The following RALY variants were observed in gnomAD, a reference collection of about 807,000 sequenced individuals.
RALY encodes the protein RALY heterogeneous nuclear ribonucleoprotein.
A neutral mutation model predicts 30.7 loss-of-function variants in RALY; 15 were observed. The observed-to-expected ratio is 0.49, with a 90% CI of 0.33 to 0.75. The LOEUF (loss-of-function observed/expected upper bound fraction) is 0.75. Ranked by LOEUF, RALY falls within the 30% of genes least tolerant of loss-of-function variation. The pLI is 0.02. For synonymous variants in RALY, 177 were observed against 170.8 expected, an observed-to-expected ratio of 1.04 and a Z score of -0.28; for missense variants, 339 against 414.3, an observed-to-expected ratio of 0.82 and a Z score of 1.58.
intron 1 of RALY, among the ~76,000 whole-genome samples, chr20:33,997,202 A>G (rs1601389464): frequency 1.3e-5 from 2 of 151,864 alleles, no homozygotes; most frequent in Non-Finnish European, 2.9e-5. Context: ...TGCAACCTCA[A>G]CCTCCTGGGT....
intron 1 of RALY, among the ~76,000 whole-genome samples, chr20:34,027,403 C>T (rs1055197471): frequency 3.9e-5 from 6 of 152,172 alleles, no homozygotes; most frequent in Non-Finnish European, 5.9e-5. Flanking sequence ...AACACCCAGC[C>T]GTGTGCCTGA....
rs756579121 is a variant in RALY at position 34,051,334 on chromosome 20, C to G, written c.-10+19730C>G. ...AACCAAGATTTGGAAAATGAGTACT[C>G]CTGGGTTTGAAATCTGGTGCTCGCC... is the stretch of plus-strand genomic sequence containing the variant. On this transcript the variant is annotated intron_variant, in intron 2 of 9. Coordinates refer to ENST00000246194, the MANE Select transcript of RALY (RefSeq NM_016732.3). 1.9e-4 allele frequency among the ~76,000 whole-genome samples: 29 copies of G among 152,102 alleles called. 1 individual carries two copies. Among genetic ancestry groups the G allele is most frequent in the Admixed American group, 3.3e-4 (5 of 15,264 alleles).
At chr20:34,076,986 G>A (rs1019291145) in intron 7 of RALY, 42 bp from the exon 8 acceptor site, 2 of 1,609,838 alleles carry the variant, frequency 1.2e-6, no homozygotes, top group Non-Finnish European at 1.7e-6. Context: ...AGCTACCCCA[G>A]GCTGAGTTTT....
At chr20:34,050,207 C>T (rs2033029672) in intron 2 of RALY, among the ~76,000 whole-genome samples, 1 of 152,164 alleles carries the variant, frequency 6.6e-6, no homozygotes, top group Admixed American at 6.5e-5. Context: ...ATGTCAGAAC[C>T]AGGATTGAAT....
intron 1 of RALY, among the ~76,000 whole-genome samples, chr20:34,026,603 G>T (rs2032050810): frequency 6.6e-6 from 1 of 151,442 alleles, no homozygotes; most frequent in Admixed American, 6.6e-5. Context: ...GTAGAGACGG[G>T]GTTTCACCGT....
intron 1 of RALY, chr20:34,017,331 T>A (rs1239882923): frequency 6.6e-6 from 1 of 152,174 alleles, no homozygotes; most frequent in Non-Finnish European, 1.5e-5. Context: ...TATAGCATAA[T>A]CTCTATTGTA....
At chr20:34,036,728 A>AT (rs2032510211) in intron 2 of RALY, among the ~76,000 whole-genome samples, 1 of 151,746 alleles carries the variant, frequency 6.6e-6, no homozygotes, top group Non-Finnish European at 1.5e-5. Context: ...ATCTACTTAG[A>AT]TTTTCTCTTT....
In RALY at chr20:34,081,299, G is replaced by C. The variant is rs998915994; in HGVS notation, c.*1394G>C. 2 of 152,190 alleles carry C rather than the reference G, an allele frequency of 1.3e-5. No homozygotes were observed. Among genetic ancestry groups the C allele is most frequent in the Admixed American group, 6.5e-5 (1 of 15,268 alleles). The allele number at this position is 152,190 out of a possible 1,614,324, so 9.4% of individuals were successfully genotyped here. On this transcript the variant is annotated 3_prime_UTR_variant, in exon 10 of 10. Transcript: ENST00000246194. ...GCACCCAGAAATAGGCTTTGTTCCA[G>C]GCCTGGCACGTACTCCTCCTGCTCC...
intron 3 of RALY, 56 bp from the exon 4 acceptor site, chr20:34,073,505 ATG>A: frequency 6.8e-7 from 1 of 1,463,580 alleles, no homozygotes; most frequent in Non-Finnish European, 9.6e-7. Flanking sequence ...CATGAGGTTG[ATG>A]TGTGTGGGCA....
At chr20:34,004,787 A>G (rs1311565777) in intron 1 of RALY, among the ~76,000 whole-genome samples, 1 of 152,352 alleles carries the variant, frequency 6.6e-6, no homozygotes, top group Admixed American at 6.5e-5. Flanking sequence ...TGGGGAGGGA[A>G]TACTAAAACC....
At chr20:34,042,000 G>A (rs1021137097) in intron 2 of RALY, among the ~76,000 whole-genome samples, 14 of 152,122 alleles carry the variant, frequency 9.2e-5, no homozygotes, top group African/African-American at 3.1e-4. Flanking sequence ...AGCTATTCAG[G>A]AGGCTGAGAT....
chr20:34,071,488 A>G (rs2033725704), intron 2 of RALY, among the ~76,000 whole-genome samples: 1 of 151,988 alleles, frequency 6.6e-6, no homozygotes, highest in Non-Finnish European at 1.5e-5. Context: ...CATGTTGGCC[A>G]GGCTGGTTTC....
chr20:34,074,017 A>T (rs1352208587), intron 5 of RALY, 151 bp downstream of exon 5: 4 of 795,716 alleles, frequency 5.0e-6, no homozygotes, highest in Non-Finnish European at 8.0e-6. Flanking sequence ...CAGAGCTGAG[A>T]CTGGGGTCCT....
rs530957210 is a variant in RALY at position 34,024,006 on chromosome 20, C to G, written c.-92-7516C>G. Among the ~76,000 whole-genome samples, 3 of 152,194 alleles carry G rather than the reference C, an allele frequency of 2.0e-5. No homozygotes were observed. The East Asian group carries it at 5.8e-4, about 29-fold the overall frequency. On this transcript the variant is annotated intron_variant, in intron 1 of 9. Transcript: ENST00000246194. ...ACCTGAGATTATCAGGAGTTCGAGACCAGCCTGGCCAACATGGTCTGAGTG... is the reference window on the plus strand; with the variant it reads ...ACCTGAGATTATCAGGAGTTCGAGAGCAGCCTGGCCAACATGGTCTGAGTG...
intron 1 of RALY, among the ~76,000 whole-genome samples, chr20:34,010,068 G>T (rs1387983178): frequency 6.6e-6 from 1 of 152,098 alleles, no homozygotes; most frequent in Non-Finnish European, 1.5e-5. Flanking sequence ...GACTTCATAT[G>T]GACAGCAAAC....
rs141956489 is a variant in RALY, at chr20:34,072,682, G to A, written c.256+352G>A. Among the ~76,000 whole-genome samples, 1,082 of 152,300 alleles carry A rather than the reference G, an allele frequency of 7.1e-3. 11 individuals are homozygous for A. Among genetic ancestry groups the A allele is most frequent in the African/African-American group, 0.024 (1,014 of 41,550 alleles). ...TTAGGTTAGAACCCTTTCTGAGAGC[G>A]AGCAGGAGGGCCTGAGAGCACAAGG... On this transcript the variant is annotated intron_variant, in intron 3 of 9. Coordinates refer to ENST00000246194, the MANE Select transcript of RALY (RefSeq NM_016732.3).
At chr20:34,028,722 A>C (rs1031009293) in intron 1 of RALY, among the ~76,000 whole-genome samples, 2 of 150,996 alleles carry the variant, frequency 1.3e-5, no homozygotes, top group Non-Finnish European at 3.0e-5. Flanking sequence ...AAAAAAAAAA[A>C]AAAAAAAAAA....
chr20:34,016,260 T>C (rs2031604290), intron 1 of RALY, among the ~76,000 whole-genome samples: 1 of 152,258 alleles, frequency 6.6e-6, no homozygotes, highest in African/African-American at 2.4e-5. Context: ...AAATGTTCTT[T>C]GCTGACAGCC....
intron 2 of RALY, among the ~76,000 whole-genome samples, chr20:34,033,003 G>A (rs1448899738): frequency 6.6e-6 from 1 of 152,130 alleles, no homozygotes; most frequent in East Asian, 1.9e-4. Flanking sequence ...CTTCAAGCAG[G>A]CAGAGGCCCA....
Sources: allele counts gnomAD v4.1 joint callset (sites outside exome capture counted in the v4.1 genomes callset), GRCh38; gene constraint gnomAD v4.1.1; transcripts MANE v1.5; gene names NCBI Gene and HGNC (gene_info 2026-07-23, HGNC 2026-07-21).